EIF2AK1: variants seen among roughly 807,000 people sequenced by gnomAD.
EIF2AK1 encodes eukaryotic translation initiation factor 2 alpha kinase 1, also known as eukaryotic translation initiation factor 2-alpha kinase 1.
A neutral mutation model predicts 77.9 loss-of-function variants in EIF2AK1; 54 were observed. The observed-to-expected ratio is 0.69, with a 90% CI of 0.56 to 0.87. EIF2AK1 has a LOEUF of 0.87. Among genes scored for constraint, EIF2AK1 ranks in the 40% least tolerant of loss-of-function variants. EIF2AK1 has a pLI of 0.00. For missense variants in EIF2AK1, 810 were observed against 768.6 expected, an observed-to-expected ratio of 1.05 and a Z score of -0.64; for synonymous variants, 314 against 290.5, an observed-to-expected ratio of 1.08 and a Z score of -0.82.
chr7:6,057,879 C>G (rs1788831664), intron 1 of EIF2AK1, among the ~76,000 whole-genome samples: 1 of 152,160 alleles, frequency 6.6e-6, no homozygotes, highest in Non-Finnish European at 1.5e-5. Flanking sequence ...ATCCGCCCAC[C>G]TCAGCCTTCC....
chr7:6,040,180 G>T (rs1788255130), intron 9 of EIF2AK1, among the ~76,000 whole-genome samples: 1 of 151,948 alleles, frequency 6.6e-6, no homozygotes, highest in Admixed American at 6.6e-5. Context: ...AGCCTCCTGA[G>T]TAGCTGGGAT....
intron 1 of EIF2AK1, among the ~76,000 whole-genome samples, chr7:6,055,062 G>A (rs1426648180): frequency 6.6e-6 from 1 of 152,136 alleles, no homozygotes; most frequent in Non-Finnish European, 1.5e-5. Flanking sequence ...GCAGAGGATG[G>A]CCGGGCGCGG....
At position 6,046,108 on chromosome 7, in the gene EIF2AK1, A is replaced by T. The variant is rs758345751; in HGVS notation, c.593T>A (p.Ile198Asn). Residue 198 changes from isoleucine (I) to asparagine (N), a missense_variant, in exon 6 of 15, where the codon ATC becomes AAC. Coordinates refer to ENST00000199389, the MANE Select transcript of EIF2AK1 (RefSeq NM_014413.4). ...TGTTTTAGTTGCACCCTTAATCAGG[A>T]TTTTTTTTATTGCATAATACTGACC... ...LDGQYYAIKK[I>N]LIKGATKTVC... 1.9e-6 allele frequency: 3 copies of T among 1,570,346 alleles called. No individual in the cohort carries two copies. The highest frequency in any genetic ancestry group is 2.4e-5 in the South Asian group (2 of 84,784).
Position 6,027,001 on chromosome 7 carries a change from A to G in EIF2AK1, c.1531-40T>C. Reference sequence around the variant, plus strand: ...AAAGGGGAACTCAGTAGTGAAATACAAAGTTAGAAGAACGTTTCCATTTCC... The same window carrying G: ...AAAGGGGAACTCAGTAGTGAAATACGAAGTTAGAAGAACGTTTCCATTTCC... On this transcript the variant is annotated intron_variant, in intron 13 of 14. Transcript: ENST00000199389. The surrounding 1 kb of genome is among the most constrained non-coding windows in gnomAD (Gnocchi z 4.5). The G allele has an allele frequency of 6.5e-7, 1 of 1,529,660 alleles. No homozygotes were observed. Among genetic ancestry groups the G allele is most frequent in the Non-Finnish European group, 9.0e-7 (1 of 1,107,786 alleles). 94.8% of individuals were successfully genotyped at this position (1,529,660 alleles called of 1,614,324 possible).
intron 13 of EIF2AK1, 72 bp downstream of exon 13, chr7:6,028,543 C>T (rs781579730): frequency 6.9e-5 from 104 of 1,496,878 alleles, no homozygotes; most frequent in Non-Finnish European, 9.0e-5. Flanking sequence ...TGAGCCACTG[C>T]ACCCAACCCT....
In EIF2AK1 at chr7:6,026,496, C is replaced by A. The variant is rs1172418351; in HGVS notation, c.1764+232G>T. On this transcript the variant is annotated intron_variant, in intron 14 of 14. Coordinates refer to ENST00000199389, the MANE Select transcript of EIF2AK1 (RefSeq NM_014413.4). Reference sequence around the variant, plus strand: ...TCCTCTTTGTGAACACCAGCAGATACCTCCTGTGCCTGCTGAGGCCACAGC... The same window carrying A: ...TCCTCTTTGTGAACACCAGCAGATAACTCCTGTGCCTGCTGAGGCCACAGC... The A allele has an allele frequency of 4.4e-6, 3 of 677,534 alleles. No homozygotes were observed. In the African/African-American group the frequency reaches 5.3e-5, roughly 12 times the overall value. 42.0% of individuals were successfully genotyped at this position (677,534 alleles called of 1,614,324 possible).
chr7:6,048,771 A>G (rs1441436199), intron 4 of EIF2AK1, 36 bp downstream of exon 4: 2 of 1,489,652 alleles, frequency 1.3e-6, no homozygotes, highest in Admixed American at 2.0e-5. Context: ...TTTCTTTTCA[A>G]TAGTCTGCAT....
In EIF2AK1 at chr7:6,036,160, C is replaced by G. The variant is rs956752262; in HGVS notation, c.1332+1264G>C. On this transcript the variant is annotated intron_variant, in intron 11 of 14. Coordinates refer to ENST00000199389, the MANE Select transcript of EIF2AK1 (RefSeq NM_014413.4). This position sits in a 1 kb window ranked among gnomAD's most constrained non-coding sequence, Gnocchi z 4.6. ...TATCACACTTATCCTCTGAGAATGA[C>G]CAATAACCAAGGAATTCTACCTGCA... 8.4e-6 allele frequency: 13 copies of G among 1,550,002 alleles called. No individual in the cohort carries two copies. The Admixed American group carries it at 2.6e-4, about 30-fold the overall frequency.
At position 6,058,984 on chromosome 7, in the gene EIF2AK1, G is replaced by A. The variant is rs1788875159; in HGVS notation, c.100C>T (p.Pro34Ser). 1.3e-6 allele frequency: 2 copies of A among 1,541,326 alleles called. No individual in the cohort carries two copies. The highest frequency in any genetic ancestry group is 2.7e-5 in the East Asian group (1 of 37,076). Residue 34 changes from proline to serine, a missense_variant, in exon 1 of 15, where the codon CCG becomes TCG. Pro to Ser is a moderately conservative substitution (Grantham distance 74). Around this residue, in one of 3 missense-constraint regions of EIF2AK1, gnomAD observed 246 missense variants for 199.0 expected, o/e 1.24. Coordinates refer to ENST00000199389, the MANE Select transcript of EIF2AK1 (RefSeq NM_014413.4). ...PPAIDFPAEGPDPEYDESDVP... is the reference protein window; with the variant it reads ...PPAIDFPAEGSDPEYDESDVP... ...CCCTCACCGTCATATTCGGGGTCCG[G>A]GCCCTCGGCGGGAAAGTCGATGGCC... is the stretch of plus-strand genomic sequence containing the variant.
At chr7:6,052,584 TAAAA>T (rs56106343) in intron 2 of EIF2AK1, among the ~76,000 whole-genome samples, 5 of 97,168 alleles carry the variant, frequency 5.1e-5, no homozygotes, top group Admixed American at 1.4e-4. Flanking sequence ...ACTGTTTTGG[TAAAA>T]AAAAAAAAAA....
intron 1 of EIF2AK1, among the ~76,000 whole-genome samples, chr7:6,055,186 T>C (rs541532453): frequency 2.0e-5 from 3 of 151,406 alleles, no homozygotes; most frequent in African/African-American, 4.8e-5. Context: ...CTACTAAAAA[T>C]ACAAAATTAG....
At chr7:6,031,668 A>C in intron 11 of EIF2AK1, 1 of 1,430,042 alleles carries the variant, frequency 7.0e-7, no homozygotes, top group Non-Finnish European at 9.6e-7. Context: ...AAGCTGGTGA[A>C]CCCACTAAGC....
At chr7:6,042,856 ACT>A (rs781370053) in intron 8 of EIF2AK1, 75 bp downstream of exon 8, 14 of 1,262,658 alleles carry the variant, frequency 1.1e-5, no homozygotes, top group South Asian at 1.3e-5. Context: ...ACAGAGCGAG[ACT>A]CTGTCGCCAA....
intron 4 of EIF2AK1, among the ~76,000 whole-genome samples, chr7:6,048,280 G>A (rs1042494497): frequency 3.3e-5 from 5 of 152,118 alleles, no homozygotes; most frequent in East Asian, 3.9e-4. Context: ...CACTATTTAC[G>A]TCTCTATGGA....
chr7:6,030,915 C>G lies in EIF2AK1; in HGVS notation c.1333-1883G>C, dbSNP rs559904324. 1.2e-3 allele frequency among the ~76,000 whole-genome samples: 181 copies of G among 152,274 alleles called. 1 individual carries two copies. Among genetic ancestry groups the G allele is most frequent in the Middle Eastern group, 3.4e-3 (1 of 294 alleles). On this transcript the variant is annotated intron_variant, in intron 11 of 14. Coordinates refer to ENST00000199389, the MANE Select transcript of EIF2AK1 (RefSeq NM_014413.4). ...AAGAGTACAGACCCAAAACATCTCC[C>G]AAACTATTCCTATGCCGGAGAAAAA...
intron 2 of EIF2AK1, among the ~76,000 whole-genome samples, chr7:6,053,954 G>T (rs1788680134): frequency 6.6e-6 from 1 of 151,842 alleles, no homozygotes; most frequent in Non-Finnish European, 1.5e-5. Flanking sequence ...TTACAGGCAT[G>T]AGCCACTGCA....
chr7:6,032,821 T>TAAAACA lies in EIF2AK1; in HGVS notation c.1333-3790_1333-3789insTGTTTT. 6.5e-7 allele frequency: 1 copy of TAAAACA among 1,545,344 alleles called. No individual in the cohort carries two copies. The highest frequency in any genetic ancestry group is 8.8e-7 in the Non-Finnish European group (1 of 1,142,122). ...CTACACAGGGCCACTTGTAATGTGT[T>TAAAACA]TTGTTTTCCCTCCAAAGCCGACAGA... On this transcript the variant is annotated intron_variant, in intron 11 of 14. Transcript: ENST00000199389. This position sits in a 1 kb window ranked among gnomAD's most constrained non-coding sequence, Gnocchi z 4.3.
intron 9 of EIF2AK1, among the ~76,000 whole-genome samples, chr7:6,039,058 G>T (rs1221361429): frequency 6.6e-6 from 1 of 152,032 alleles, no homozygotes; most frequent in Non-Finnish European, 1.5e-5. Flanking sequence ...ATCAAAGAAT[G>T]GCTGTATGAT....
intron 11 of EIF2AK1, among the ~76,000 whole-genome samples, chr7:6,030,207 G>A (rs1294250130): frequency 1.3e-5 from 2 of 152,120 alleles, no homozygotes; most frequent in African/African-American, 4.8e-5. Flanking sequence ...TCATTACTGG[G>A]AAATCCAAAC....
Sources: allele counts gnomAD v4.1 joint callset (sites outside exome capture counted in the v4.1 genomes callset), GRCh38; gene constraint gnomAD v4.1.1; regional missense constraint gnomAD v4.1.1; non-coding constraint Gnocchi (gnomAD v3.1); transcripts MANE v1.5; gene names NCBI Gene and HGNC (gene_info 2026-07-23, HGNC 2026-07-21).